PPP2R2B: variants seen among roughly 807,000 people sequenced by gnomAD.
The protein encoded by PPP2R2B is protein phosphatase 2 regulatory subunit Bbeta.
A neutral mutation model predicts 46.0 loss-of-function variants in PPP2R2B; 5 were observed. That is an observed-to-expected ratio of 0.11 (90% CI 0.06 to 0.23). PPP2R2B has a LOEUF of 0.23. Ranked by LOEUF, PPP2R2B falls within the 10% of genes least tolerant of loss-of-function variation. The pLI, the probability that PPP2R2B is intolerant of heterozygous loss-of-function variation, is 1.00. For synonymous variants in PPP2R2B, 215 were observed against 206.7 expected, an observed-to-expected ratio of 1.04 and a Z score of -0.34; for missense variants, 367 against 575.0, an observed-to-expected ratio of 0.64 and a Z score of 3.70.
intron 2 of PPP2R2B, among the ~76,000 whole-genome samples, chr5:146,821,010 T>G (rs115333475): frequency 0.031 from 4,773 of 152,020 alleles, 79 homozygotes; most frequent in African/African-American, 0.035. Context: ...CTAATAGGCC[T>G]CCCTCCTTCC....
intron 2 of PPP2R2B, among the ~76,000 whole-genome samples, chr5:147,079,445 C>CATATATATATATATATATATACATAT (rs1757904138): frequency 2.3e-5 from 3 of 132,304 alleles, no homozygotes; most frequent in African/African-American, 8.4e-5. Context: ...TATATATATA[C>CATATATATATATATATATATACATAT]ATATATATAT....
intron 1 of PPP2R2B, among the ~76,000 whole-genome samples, chr5:146,971,879 C>T (rs1452471736): frequency 6.6e-6 from 1 of 152,054 alleles, no homozygotes; most frequent in Admixed American, 6.5e-5. Context: ...CTGTATATTC[C>T]TTACTCAGTT....
At chr5:147,067,495 T>C (rs1757449453) in intron 2 of PPP2R2B, among the ~76,000 whole-genome samples, 1 of 152,190 alleles carries the variant, frequency 6.6e-6, no homozygotes. Flanking sequence ...CTTTCTTTCT[T>C]TTTCCAGGCC....
intron 7 of PPP2R2B, among the ~76,000 whole-genome samples, chr5:146,617,987 C>A (rs1349234527): frequency 6.6e-6 from 1 of 152,136 alleles, no homozygotes; most frequent in Non-Finnish European, 1.5e-5. Context: ...AACCACCATG[C>A]CAGCCATCTC....
intron 1 of PPP2R2B, among the ~76,000 whole-genome samples, chr5:146,950,484 T>A (rs190066897): frequency 9.5e-4 from 144 of 152,202 alleles, no homozygotes; most frequent in Non-Finnish European, 1.1e-3. Flanking sequence ...GTGAATCACC[T>A]GGAAAGACCT....
At chr5:146,750,766 C>CAGAAATAAGCCATATATAAGCT (rs1753507170) in intron 2 of PPP2R2B, among the ~76,000 whole-genome samples, 2 of 152,042 alleles carry the variant, frequency 1.3e-5, no homozygotes, top group Non-Finnish European at 2.9e-5. Flanking sequence ...CAACATAAGC[C>CAGAAATAAGCCATATATAAGCT]AGAAATCTAT....
At chr5:146,632,316 T>A (rs1774497198) in intron 7 of PPP2R2B, among the ~76,000 whole-genome samples, 1 of 152,170 alleles carries the variant, frequency 6.6e-6, no homozygotes, top group Non-Finnish European at 1.5e-5. Context: ...CCTTCTTTCG[T>A]AGCCTCCAGA....
intron 2 of PPP2R2B, among the ~76,000 whole-genome samples, chr5:146,707,787 C>T (rs1262515412): frequency 6.6e-6 from 1 of 152,198 alleles, no homozygotes; most frequent in African/African-American, 2.4e-5. Context: ...TCTGACTCTC[C>T]TACAAGTAAT....
intron 2 of PPP2R2B, among the ~76,000 whole-genome samples, chr5:146,846,718 T>A (rs563362162): frequency 3.3e-5 from 5 of 152,266 alleles, no homozygotes; most frequent in South Asian, 2.1e-4. Context: ...TTATTTTTTT[T>A]AAAAGTAGCT....
At chr5:146,673,472 C>T (rs747711197) in intron 5 of PPP2R2B, among the ~76,000 whole-genome samples, 2 of 87,364 alleles carry the variant, frequency 2.3e-5, no homozygotes, top group Non-Finnish European at 5.2e-5. Context: ...GAAAAGTAAC[C>T]TATTTAGAAG....
chr5:146,863,860 G>A (rs1364302627), intron 2 of PPP2R2B, among the ~76,000 whole-genome samples: 11 of 152,058 alleles, frequency 7.2e-5, no homozygotes, highest in African/African-American at 2.2e-4. Context: ...ATTTCACACC[G>A]ACTCCCAACT....
intron 2 of PPP2R2B, among the ~76,000 whole-genome samples, chr5:147,066,403 C>T (rs1165388837): frequency 6.6e-6 from 1 of 152,108 alleles, no homozygotes; most frequent in African/African-American, 2.4e-5. Context: ...ATTATTATCC[C>T]TATGTTACAG....
chr5:146,609,147 C>G (rs1260533914), intron 7 of PPP2R2B, among the ~76,000 whole-genome samples: 4 of 152,094 alleles, frequency 2.6e-5, no homozygotes, highest in Non-Finnish European at 5.9e-5. Flanking sequence ...TATGTCATAT[C>G]AACAGAATGA....
intron 1 of PPP2R2B, among the ~76,000 whole-genome samples, chr5:147,009,356 G>A (rs1754604976): frequency 6.6e-6 from 1 of 151,320 alleles, no homozygotes; most frequent in Non-Finnish European, 1.5e-5. Context: ...TTTCCCTTTT[G>A]CCTATATACT....
At chr5:146,742,569 G>T (rs547260780) in intron 2 of PPP2R2B, among the ~76,000 whole-genome samples, 1 of 152,166 alleles carries the variant, frequency 6.6e-6, no homozygotes, top group South Asian at 2.1e-4. Flanking sequence ...TTAATTCTCT[G>T]CAGGGTAGAG....
rs544639388 is a variant in PPP2R2B at position 146,785,763 on chromosome 5, A to G, written c.71-84621T>C. ...GTTGAGGAGTTAATAGAAATATATT[A>G]AATGTATATATCAAGAAATAGTGAT... On this transcript the variant is annotated intron_variant, in intron 2 of 9. Coordinates refer to ENST00000394411, the MANE Select transcript of PPP2R2B (RefSeq NM_181675.4). Among the ~76,000 whole-genome samples the G allele has an allele frequency of 3.3e-5, 5 of 152,328 alleles. No homozygotes were observed. In the South Asian group the frequency reaches 1.0e-3, roughly 32 times the overall value.
chr5:147,028,480 G>A (rs542792308), intron 1 of PPP2R2B, among the ~76,000 whole-genome samples: 14 of 152,150 alleles, frequency 9.2e-5, no homozygotes, highest in Non-Finnish European at 1.9e-4. Context: ...CGTAACTTCC[G>A]ATATTTTGTT....
intron 5 of PPP2R2B, among the ~76,000 whole-genome samples, chr5:146,668,521 G>A (rs1328261124): frequency 6.6e-6 from 1 of 152,080 alleles, no homozygotes; most frequent in African/African-American, 2.4e-5. Context: ...CCATATTAGA[G>A]TAAGAATTTA....
chr5:146,850,038 A>G (rs907223683), intron 2 of PPP2R2B, among the ~76,000 whole-genome samples: 25 of 152,178 alleles, frequency 1.6e-4, no homozygotes, highest in Non-Finnish European at 1.0e-4. Flanking sequence ...AAAGTGATGC[A>G]TCAGCTGGAA....
Sources: allele counts gnomAD v4.1 joint callset (sites outside exome capture counted in the v4.1 genomes callset), GRCh38; gene constraint gnomAD v4.1.1; transcripts MANE v1.5; gene names NCBI Gene and HGNC (gene_info 2026-07-23, HGNC 2026-07-21).